The following SLC25A21 variants were observed in gnomAD, a reference collection of about 807,000 sequenced individuals.
SLC25A21 encodes mitochondrial 2-oxodicarboxylate carrier.
SLC25A21 carries 47 observed loss-of-function variants against 43.8 expected under a neutral mutation model. That is an observed-to-expected ratio of 1.07 (90% confidence interval 0.85 to 1.37). SLC25A21 has a LOEUF of 1.37. SLC25A21 is among the 40% of genes most tolerant of loss of function. The pLI is 0.00. For synonymous variants in SLC25A21, 131 were observed against 121.3 expected (o/e 1.08, Z -0.52); for missense variants, 352 against 350.2 (o/e 1.00, Z -0.04).
At chr14:36,842,257 G>T (rs1483244527) in intron 2 of SLC25A21, among the ~76,000 whole-genome samples, 3 of 151,948 alleles carry the variant, frequency 2.0e-5, no homozygotes, top group Non-Finnish European at 2.9e-5. Context: ...TTTTACCTGG[G>T]GCAATGATAT....
intron 1 of SLC25A21, among the ~76,000 whole-genome samples, chr14:36,904,151 C>T (rs1012357024): frequency 6.6e-6 from 1 of 152,122 alleles, no homozygotes; most frequent in African/African-American, 2.4e-5. Flanking sequence ...GCAGGTGATG[C>T]GATTGAGGGG....
chr14:36,791,845 T>G (rs1032575143), intron 3 of SLC25A21, among the ~76,000 whole-genome samples: 2 of 151,958 alleles, frequency 1.3e-5, no homozygotes, highest in East Asian at 3.9e-4. Flanking sequence ...GATCCTTACC[T>G]TTGGTGGGAG....
chr14:36,734,759 A>G (rs1204104190), intron 3 of SLC25A21, among the ~76,000 whole-genome samples, 186 bp from the exon 4 acceptor site: 1 of 152,230 alleles, frequency 6.6e-6, no homozygotes, highest in Non-Finnish European at 1.5e-5. Flanking sequence ...TTCAGAAGGT[A>G]AATACGTGAT....
At chr14:37,046,794 T>G (rs1240007159) in intron 1 of SLC25A21, among the ~76,000 whole-genome samples, 1 of 152,150 alleles carries the variant, frequency 6.6e-6, no homozygotes, top group African/African-American at 2.4e-5. Context: ...GATAGGGGAT[T>G]TTTAGGTCCC....
chr14:37,141,881 A>G (rs908844933), intron 1 of SLC25A21, among the ~76,000 whole-genome samples: 5 of 152,186 alleles, frequency 3.3e-5, no homozygotes, highest in African/African-American at 1.2e-4. Flanking sequence ...GTATTTCTCA[A>G]TCTTGGCTGC....
intron 1 of SLC25A21, among the ~76,000 whole-genome samples, chr14:36,991,493 G>C (rs1013760814): frequency 2.0e-5 from 3 of 152,166 alleles, no homozygotes; most frequent in Non-Finnish European, 2.9e-5. Context: ...TCAACTATGA[G>C]AACCAGTATC....
At chr14:37,152,694 A>G (rs1950375) in intron 1 of SLC25A21, among the ~76,000 whole-genome samples, 139,646 of 152,174 alleles carry the variant, frequency 0.92, 64,958 homozygotes, top group Non-Finnish European at 1. Context: ...AATGTGTAAA[A>G]CACAAGAAGA....
chr14:36,729,991 C>G (rs925048783), intron 4 of SLC25A21, among the ~76,000 whole-genome samples: 15 of 152,224 alleles, frequency 9.9e-5, no homozygotes, highest in African/African-American at 3.6e-4. Context: ...ATCCACTTTT[C>G]AGCCTTAACT....
chr14:36,742,210 A>C (rs1033592), intron 3 of SLC25A21, among the ~76,000 whole-genome samples: 57,305 of 151,746 alleles, frequency 0.38, 11,189 homozygotes, highest in South Asian at 0.53. Flanking sequence ...TCCTTTAAGG[A>C]TCTCCTAATA....
rs1485977522 is a variant in SLC25A21 at position 37,172,603 on chromosome 14, G to A, written c.-253C>T. The A allele has an allele frequency of 1.5e-6, 1 of 683,248 alleles. No individual in the cohort carries two copies. Among genetic ancestry groups the A allele is most frequent in the South Asian group, 1.5e-5 (1 of 66,584 alleles). The allele number at this position is 683,248 out of a possible 1,614,324, so 42.3% of individuals were successfully genotyped here. On this transcript the variant is annotated 5_prime_UTR_variant, in exon 1 of 10. Transcript: ENST00000331299. ...TCGGCTCCGAAAATGTCTCTGGAAA[G>A]AAGACCCGCGGATGGGTTTGGGTTG...
chr14:37,159,384 G>A (rs1963902295), intron 1 of SLC25A21, among the ~76,000 whole-genome samples: 1 of 152,020 alleles, frequency 6.6e-6, no homozygotes. Flanking sequence ...GAGACATATA[G>A]ACAAATGGAA....
chr14:36,713,786 C>G (rs929841934), intron 6 of SLC25A21, among the ~76,000 whole-genome samples: 7 of 152,016 alleles, frequency 4.6e-5, no homozygotes, highest in African/African-American at 1.7e-4. Context: ...GAGTTCAAGA[C>G]CAGCCTGAAC....
chr14:36,961,936 T>C (rs182598175), intron 1 of SLC25A21, among the ~76,000 whole-genome samples: 4 of 152,156 alleles, frequency 2.6e-5, no homozygotes, highest in South Asian at 2.1e-4. Context: ...AAAACCATGA[T>C]AGAAGAAGAA....
chr14:36,710,044 C>T (rs977635444), intron 7 of SLC25A21, among the ~76,000 whole-genome samples: 1 of 152,106 alleles, frequency 6.6e-6, no homozygotes, highest in African/African-American at 2.4e-5. Flanking sequence ...CTGCTTGCAT[C>T]TGTAAGTTAC....
In SLC25A21 at chr14:36,829,188, G is replaced by A. The variant is rs192057772; in HGVS notation, c.120-15187C>T. On this transcript the variant is annotated intron_variant, in intron 2 of 9. Transcript: ENST00000331299. Reference sequence around the variant, plus strand: ...GCTGGGATTACAGATGTGAGCCACCGCACCTGGTCACTCTCTACCCATTTC... The same window carrying A: ...GCTGGGATTACAGATGTGAGCCACCACACCTGGTCACTCTCTACCCATTTC... Among the ~76,000 whole-genome samples the A allele has an allele frequency of 2.8e-3, 425 of 152,102 alleles. 3 individuals are homozygous for A. The highest frequency in any genetic ancestry group is 1.0e-2 in the African/African-American group (414 of 41,506).
At chr14:36,730,548 CA>C (rs1884776313) in intron 4 of SLC25A21, among the ~76,000 whole-genome samples, 1 of 152,118 alleles carries the variant, frequency 6.6e-6, no homozygotes, top group African/African-American at 2.4e-5. Context: ...ATTTCAGAGC[CA>C]AAAATACTCT....
intron 1 of SLC25A21, among the ~76,000 whole-genome samples, chr14:36,887,559 T>C (rs1174865260): frequency 1.3e-4 from 8 of 63,542 alleles, no homozygotes; most frequent in African/African-American, 3.8e-4. Flanking sequence ...CAAGACTCCA[T>C]TGCAAAAAAA....
rs537402069 is a variant in SLC25A21 at position 37,009,099 on chromosome 14, T to C, written c.71-134095A>G. Among the ~76,000 whole-genome samples the C allele has an allele frequency of 3.9e-5, 6 of 152,318 alleles. No individual in the cohort carries two copies. In the East Asian group the frequency reaches 9.6e-4, roughly 24 times the overall value. On this transcript the variant is annotated intron_variant, in intron 1 of 9. Transcript: ENST00000331299. ...CCCTACCCCTACCCCACCATCTCTCTCTTTATTCTTAATCTCACATCATCA... is the reference window on the plus strand; with the variant it reads ...CCCTACCCCTACCCCACCATCTCTCCCTTTATTCTTAATCTCACATCATCA...
intron 6 of SLC25A21, among the ~76,000 whole-genome samples, chr14:36,716,859 C>G (rs1297532197): frequency 1.3e-5 from 2 of 152,154 alleles, no homozygotes; most frequent in African/African-American, 4.8e-5. Context: ...TCCTCCATCT[C>G]TAAGGCCAAA....
Sources: gnomAD v4.1 joint callset for allele counts (sites outside exome capture counted in the v4.1 genomes callset) on GRCh38, gnomAD v4.1.1 for gene constraint, MANE v1.5 for transcripts, NCBI Gene and HGNC (gene_info 2026-07-23, HGNC 2026-07-21) for gene names.